The following ANK1 variants were observed in gnomAD, a reference collection of about 807,000 sequenced individuals.
The protein encoded by ANK1 is ankyrin 1, also known as ankyrin-1.
ANK1 carries 51 observed loss-of-function variants against 210.4 expected under a neutral mutation model. That is an observed-to-expected ratio of 0.24 (90% CI 0.19 to 0.31). ANK1 has a LOEUF of 0.31. ANK1 is among the 10% of genes least tolerant of loss of function. The probability of loss-of-function intolerance (pLI) is 1.00; values close to 1 mark genes in which losing one functional copy is unlikely to be tolerated. For missense variants in ANK1, 2,051 were observed against 2,504.4 expected (o/e 0.82, Z 3.86); for synonymous variants, 967 against 1,025.9 (o/e 0.94, Z 1.10).
rs1463230098 is a variant in ANK1, at chr8:41,797,274, G to A, written c.27+238C>T. On this transcript the variant is annotated intron_variant, in intron 1 of 42. Transcript: ENST00000289734. This position sits in a 1 kb window ranked among gnomAD's most constrained non-coding sequence, Gnocchi z 4.0. ...GACCCAGGTAGTTGGAACTCAATTT[G>A]ACAGCAAATCTCTGGATGTAAAAAA... Among the ~76,000 whole-genome samples, 1 of 152,268 alleles carries A rather than the reference G, an allele frequency of 6.6e-6. No individual in the cohort carries two copies. The highest frequency in any genetic ancestry group is 1.5e-5 in the Non-Finnish European group (1 of 68,044).
At chr8:41,723,460 C>T in intron 8 of ANK1, 75 bp downstream of exon 8, 3 of 1,543,096 alleles carry the variant, frequency 1.9e-6, no homozygotes, top group South Asian at 1.1e-5. Context: ...TCACCAAGGG[C>T]CCGCTGCTCT....
At chr8:41,837,436 C>A (rs1382088329) in intron 1 of ANK1, among the ~76,000 whole-genome samples, 1 of 152,202 alleles carries the variant, frequency 6.6e-6, no homozygotes, top group Non-Finnish European at 1.5e-5. Context: ...GCTTCCTAGT[C>A]CACCATTAGT....
chr8:41,806,021 G>C (rs1266305864), intron 1 of ANK1, among the ~76,000 whole-genome samples: 2 of 152,210 alleles, frequency 1.3e-5, no homozygotes, highest in African/African-American at 4.8e-5. Context: ...ATATTAATGA[G>C]CTTTTCATAT....
chr8:41,878,760 A>C (rs2150829973), intron 1 of ANK1, among the ~76,000 whole-genome samples: 1 of 152,216 alleles, frequency 6.6e-6, no homozygotes, highest in Non-Finnish European at 1.5e-5. Flanking sequence ...CCTTGCCTAC[A>C]TGTCAAAAAA....
In ANK1 at chr8:41,802,995, GAGAAAGAAAGAA is replaced by G. The variant is rs58986564; in HGVS notation, c.127-44870_127-44859del. Among the ~76,000 whole-genome samples, 506 of 57,488 alleles carry G rather than the reference GAGAAAGAAAGAA, an allele frequency of 8.8e-3. 16 individuals are homozygous for G. The highest frequency in any genetic ancestry group is 0.028 in the African/African-American group (420 of 14,894). 37.7% of individuals were successfully genotyped at this position (57,488 alleles called of 152,430 possible). On this transcript the variant is annotated intron_variant, in intron 1 of 42. Transcript: ENST00000265709. ...AGATGAAAAAAGAAAGAGAGAAAGA[GAGAAAGAAAGAA>G]AGAAAGAAAGAAAGAAAGAAAGAAA...
At chr8:41,801,863 G>T (rs1281005720), upstream of ANK1, among the ~76,000 whole-genome samples, 3 of 152,006 alleles carry the variant, frequency 2.0e-5, no homozygotes, top group South Asian at 6.2e-4. Context: ...GGGTTTTAAT[G>T]TGTCAAATAT....
At chr8:41,848,750 A>T (rs1810585793) in intron 1 of ANK1, among the ~76,000 whole-genome samples, 1 of 152,196 alleles carries the variant, frequency 6.6e-6, no homozygotes. Context: ...TCTTAAGGTG[A>T]TCTCATGCAA....
At position 41,822,089 on chromosome 8, in the gene ANK1, AGAGAGAG is replaced by A. The variant is rs1563844505; in HGVS notation, c.127-63959_127-63953del. Among the ~76,000 whole-genome samples, 66 of 70,726 alleles carry A rather than the reference AGAGAGAG, an allele frequency of 9.3e-4. 1 individual carries two copies. The highest frequency in any genetic ancestry group is 2.5e-3 in the Admixed American group (18 of 7,176). The allele number at this position is 70,726 out of a possible 152,430, so 46.4% of individuals were successfully genotyped here. On this transcript the variant is annotated intron_variant, in intron 1 of 42. Transcript: ENST00000265709. ...AAGAGAGAGAGAGAGAGAGAGAGAG[AGAGAGAG>A]AGAGAGAGAGAGAGAGAGAAAGAAA...
chr8:41,823,033 C>T (rs140425612), intron 1 of ANK1, among the ~76,000 whole-genome samples: 235 of 152,278 alleles, frequency 1.5e-3, no homozygotes, highest in Non-Finnish European at 2.7e-3. Flanking sequence ...TGAGCATGAG[C>T]GGAGGCAGAA....
intron 1 of ANK1, among the ~76,000 whole-genome samples, chr8:41,863,157 G>A (rs1813628824): frequency 6.6e-6 from 1 of 152,148 alleles, no homozygotes; most frequent in African/African-American, 2.4e-5. Flanking sequence ...AGGAGATTGA[G>A]ACCATCCTGG....
intron 1 of ANK1, among the ~76,000 whole-genome samples, chr8:41,790,648 G>T (rs1847477089): frequency 6.6e-6 from 1 of 151,646 alleles, no homozygotes; most frequent in Non-Finnish European, 1.5e-5. Context: ...CTAGTTCCCT[G>T]CATCTGTACA....
intron 1 of ANK1, among the ~76,000 whole-genome samples, chr8:41,859,996 GGCCACA>G (rs1372829523): frequency 6.6e-6 from 1 of 152,158 alleles, no homozygotes; most frequent in Non-Finnish European, 1.5e-5. Flanking sequence ...ATGGGGAGGT[GGCCACA>G]GTCAGAGAAA....
At chr8:41,803,575 T>C (rs1490763470) in intron 1 of ANK1, 1 of 151,960 alleles carries the variant, frequency 6.6e-6, no homozygotes, top group African/African-American at 2.4e-5. Context: ...CTCTATTACA[T>C]TGGGTAAGAT....
intron 1 of ANK1, among the ~76,000 whole-genome samples, chr8:41,827,962 C>T (rs1805774684): frequency 6.6e-6 from 1 of 151,968 alleles, no homozygotes; most frequent in Admixed American, 6.6e-5. Flanking sequence ...AGATACACAC[C>T]GCCCCCGCCC....
rs2150644166 is a variant in ANK1, at chr8:41,719,641, C to T, written c.1107+20G>A. On this transcript the variant is annotated intron_variant, in intron 10 of 42. Transcript: ENST00000289734. ...CCTGCCCTGCCACTCTGCACCTTCT[C>T]CAGCAGCACCCCCACTCACCAGGGC... 1.9e-6 allele frequency: 3 copies of T among 1,614,160 alleles called. No individual in the cohort carries two copies. Among genetic ancestry groups the T allele is most frequent in the Non-Finnish European group, 2.5e-6 (3 of 1,180,024 alleles).
At chr8:41,834,822 C>G (rs1341568527) in intron 1 of ANK1, among the ~76,000 whole-genome samples, 1 of 152,262 alleles carries the variant, frequency 6.6e-6, no homozygotes, top group Non-Finnish European at 1.5e-5. Flanking sequence ...AAGGCCACAT[C>G]CTGCTGGGTC....
At chr8:41,844,502 T>A (rs1809635605) in intron 1 of ANK1, among the ~76,000 whole-genome samples, 1 of 151,880 alleles carries the variant, frequency 6.6e-6, no homozygotes, top group African/African-American at 2.4e-5. Flanking sequence ...CCGCAACTGA[T>A]GCACCCACCA....
rs778838145 is a variant in ANK1 at position 41,663,690 on chromosome 8, G to A, written c.5447C>T (p.Thr1816Met). ...PGEQVTEEQF[T>M]DEQGNIVTKK... ...GGTGACAATGTTGCCCTGCTCATCC[G>A]TGAATTGCTCCTCTGTCACCTGCTC... Residue 1816 changes from threonine (T) to methionine (M), a missense_variant, in exon 40 of 43, where the codon ACG becomes ATG. Thr to Met is a moderately conservative substitution (Grantham distance 81). Around this residue, in one of 6 missense-constraint regions of ANK1, gnomAD observed 496 missense variants for 533.4 expected, o/e 0.93. Coordinates refer to ENST00000289734, the MANE Select transcript of ANK1 (RefSeq NM_000037.4). 171 of 1,613,940 alleles carry A rather than the reference G, an allele frequency of 1.1e-4. No homozygotes were observed. Among genetic ancestry groups the A allele is most frequent in the Middle Eastern group, 1.6e-4 (1 of 6,084 alleles).
upstream of ANK1, among the ~76,000 whole-genome samples, chr8:41,802,285 C>T (rs894129522): frequency 3.9e-5 from 6 of 152,156 alleles, no homozygotes; most frequent in Non-Finnish European, 7.3e-5. Flanking sequence ...CCACCACGCC[C>T]GACCTATAGT....
Sources: allele counts gnomAD v4.1 joint callset (sites outside exome capture counted in the v4.1 genomes callset), GRCh38; gene constraint gnomAD v4.1.1; regional missense constraint gnomAD v4.1.1; non-coding constraint Gnocchi (gnomAD v3.1); transcripts MANE v1.5; gene names NCBI Gene and HGNC (gene_info 2026-07-23, HGNC 2026-07-21).